The following EVA1C variants were observed in gnomAD, a reference collection of about 807,000 sequenced individuals.
EVA1C encodes eva-1 homolog C.
A neutral mutation model predicts 45.4 loss-of-function variants in EVA1C; 25 were observed. The observed-to-expected ratio is 0.55, with a 90% CI of 0.40 to 0.77. The LOEUF is 0.77. EVA1C is among the 30% of genes least tolerant of loss of function. EVA1C has a pLI of 0.00. For synonymous variants in EVA1C, 190 were observed against 221.2 expected (o/e 0.86, Z 1.25); for missense variants, 479 against 554.8 (o/e 0.86, Z 1.37).
At chr21:32,418,188 C>T (rs557872825) in intron 1 of EVA1C, among the ~76,000 whole-genome samples, 5 of 152,178 alleles carry the variant, frequency 3.3e-5, no homozygotes, top group African/African-American at 1.2e-4. Context: ...GTCACATCAT[C>T]CTTTTTATTC....
At chr21:32,490,602 A>G (rs1315548233) in intron 4 of EVA1C, among the ~76,000 whole-genome samples, 3 of 152,224 alleles carry the variant, frequency 2.0e-5, no homozygotes, top group Non-Finnish European at 2.9e-5. Flanking sequence ...TTATTTATCC[A>G]TTCATCCATC....
In EVA1C at chr21:32,415,441, T is replaced by C. The variant is rs556254412; in HGVS notation, c.160+2428T>C. On this transcript the variant is annotated intron_variant, in intron 1 of 7. Transcript: ENST00000300255. The stretch of plus-strand genomic sequence containing the variant: ...AATGTCAGGGGTCCCAGCCATTGTC[T>C]GTACAATATAGGCCCCTTTCTCCCC... Among the ~76,000 whole-genome samples, 14 of 152,318 alleles carry C rather than the reference T, an allele frequency of 9.2e-5. No individual in the cohort carries two copies. In the Middle Eastern group the frequency reaches 0.014, roughly 148 times the overall value.
chr21:32,416,334 T>C (rs77965274), intron 1 of EVA1C, among the ~76,000 whole-genome samples: 1 of 148,024 alleles, frequency 6.8e-6, no homozygotes, highest in East Asian at 2.0e-4. Flanking sequence ...TTTTTTTTTT[T>C]TTTTTTCTTT....
intron 1 of EVA1C, among the ~76,000 whole-genome samples, chr21:32,414,301 A>G (rs2033951560): frequency 3.3e-5 from 5 of 152,182 alleles, no homozygotes; most frequent in Admixed American, 3.3e-4. Flanking sequence ...AAGGGCTATT[A>G]ACTTTTTTTT....
At chr21:32,453,280 G>C in intron 1 of EVA1C, 32 bp from the exon 2 acceptor site, 1 of 1,539,594 alleles carries the variant, frequency 6.5e-7, no homozygotes, top group Non-Finnish European at 8.9e-7. Flanking sequence ...TGGGTTCCTG[G>C]GCCTCTAGTA....
At chr21:32,412,688 G>C (rs971808781), upstream of EVA1C, 1 of 579,050 alleles carries the variant, frequency 1.7e-6, no homozygotes, top group African/African-American at 2.0e-5. Context: ...TGGGGCGCCT[G>C]GGCTGGCCCG....
intron 7 of EVA1C, among the ~76,000 whole-genome samples, chr21:32,513,648 C>T (rs906200587): frequency 6.8e-6 from 1 of 147,522 alleles, no homozygotes; most frequent in African/African-American, 2.5e-5. Context: ...GTGATCCTCC[C>T]ACCTCAGCTT....
chr21:32,451,724 G>T (rs939481904), intron 1 of EVA1C, among the ~76,000 whole-genome samples: 1 of 152,166 alleles, frequency 6.6e-6, no homozygotes, highest in African/African-American at 2.4e-5. Flanking sequence ...GCAACGCTCG[G>T]CATTCCTTGG....
rs563028218 is a variant in EVA1C, at chr21:32,453,874, T to C, written c.357+366T>C. Among the ~76,000 whole-genome samples, 4 of 152,352 alleles carry C rather than the reference T, an allele frequency of 2.6e-5. No homozygotes were observed. In the East Asian group the frequency reaches 7.7e-4, roughly 29 times the overall value. ...CTGTAGAAAGGGAAGGTAGGTTCTT[T>C]AATGGAAACCACAAGTATCTCTTTG... is the stretch of plus-strand genomic sequence containing the variant. On this transcript the variant is annotated intron_variant, in intron 2 of 7. Transcript: ENST00000300255.
chr21:32,441,772 G>A (rs2035183784), intron 1 of EVA1C, among the ~76,000 whole-genome samples: 1 of 152,160 alleles, frequency 6.6e-6, no homozygotes. Flanking sequence ...GGGAAAAGAA[G>A]TAAGAAAAAG....
At chr21:32,423,729 T>TTA (rs2034381374) in intron 1 of EVA1C, among the ~76,000 whole-genome samples, 1 of 152,158 alleles carries the variant, frequency 6.6e-6, no homozygotes, top group African/African-American at 2.4e-5. Context: ...CACTAACAAG[T>TTA]TAGAGAATGA....
At chr21:32,475,218 C>T (rs368476376) in intron 4 of EVA1C, among the ~76,000 whole-genome samples, 5 of 152,148 alleles carry the variant, frequency 3.3e-5, no homozygotes, top group African/African-American at 1.2e-4. Context: ...TTGGAACACA[C>T]GCGGTGAAAC....
intron 2 of EVA1C, among the ~76,000 whole-genome samples, chr21:32,453,880 A>G (rs2035682219): frequency 6.6e-6 from 1 of 152,220 alleles, no homozygotes; most frequent in South Asian, 2.1e-4. Context: ...TCTTTAATGG[A>G]AACCACAAGT....
rs146246601 is a variant in EVA1C at position 32,466,375 on chromosome 21, T to C, written c.482-1321T>C. Among the ~76,000 whole-genome samples, 955 of 146,682 alleles carry C rather than the reference T, an allele frequency of 6.5e-3. 17 individuals carry two copies. Among genetic ancestry groups the C allele is most frequent in the Admixed American group, 0.038 (537 of 14,290 alleles). Reference sequence around the variant, plus strand: ...CAGAGCTTGCAGTGAGCAGAGATCGTGCCACTGCACTCCAGCCTGGGCGAC... The same window carrying C: ...CAGAGCTTGCAGTGAGCAGAGATCGCGCCACTGCACTCCAGCCTGGGCGAC... On this transcript the variant is annotated intron_variant, in intron 3 of 7. Coordinates refer to ENST00000300255, the MANE Select transcript of EVA1C (RefSeq NM_058187.5).
intron 5 of EVA1C, among the ~76,000 whole-genome samples, chr21:32,500,144 T>C (rs1429758302): frequency 2.6e-5 from 4 of 151,650 alleles, no homozygotes; most frequent in African/African-American, 9.7e-5. Context: ...ACAGTCATTT[T>C]GCTTTACTAA....
chr21:32,505,849 C>T (rs2146451423), intron 7 of EVA1C, among the ~76,000 whole-genome samples: 1 of 152,306 alleles, frequency 6.6e-6, no homozygotes, highest in African/African-American at 2.4e-5. Context: ...CCTTAATTAG[C>T]TCCTAATGAG....
At chr21:32,473,778 T>G in intron 4 of EVA1C, 1 of 237,878 alleles carries the variant, frequency 4.2e-6, no homozygotes, top group Non-Finnish European at 6.8e-6. Flanking sequence ...GCAGCCTTCA[T>G]GTATGGTCTA....
intron 7 of EVA1C, among the ~76,000 whole-genome samples, chr21:32,504,310 C>T (rs1484164883): frequency 6.6e-6 from 1 of 152,194 alleles, no homozygotes; most frequent in Non-Finnish European, 1.5e-5. Flanking sequence ...CATTTCCCAG[C>T]TCTAAAATTC....
rs1369940214 is a variant in EVA1C, at chr21:32,514,942, C to T, written c.1078C>T (p.Gln360Ter). 1 of 1,613,976 alleles carries T rather than the reference C, an allele frequency of 6.2e-7. No individual in the cohort carries two copies. The highest frequency in any genetic ancestry group is 8.5e-7 in the Non-Finnish European group (1 of 1,180,020). Residue 360 changes from glutamine (Q) to a stop codon, truncating the protein, a stop_gained, in exon 8 of 8, where the codon CAG (glutamine) becomes TAG (stop). Coordinates refer to ENST00000300255, the MANE Select transcript of EVA1C (RefSeq NM_058187.5). LOFTEE classifies it high-confidence loss of function. ...DFRDLQLGRE[Q>*]LVPGSDKVEE... is the part of the protein sequence containing the mutation. ...CCGCGACTTGCAGCTGGGGAGGGAG[C>T]AGCTGGTGCCAGGAAGTGACAAGGT...
Sources: allele counts gnomAD v4.1 joint callset (sites outside exome capture counted in the v4.1 genomes callset), GRCh38; gene constraint gnomAD v4.1.1; transcripts MANE v1.5; gene names NCBI Gene and HGNC (gene_info 2026-07-23, HGNC 2026-07-21).